Variants in PLCH2 observed in about 807,000 individuals in gnomAD.
The protein encoded by PLCH2 is 1-phosphatidylinositol 4,5-bisphosphate phosphodiesterase eta-2.
A neutral mutation model predicts 134.7 loss-of-function variants in PLCH2; 98 were observed. The ratio of observed to expected loss-of-function variants is 0.73; its 90% CI spans 0.62 to 0.86. The LOEUF is 0.86. PLCH2 is among the 40% of genes least tolerant of loss of function. PLCH2 has a pLI of 0.00. For synonymous variants in PLCH2, 974 were observed against 827.5 expected, an observed-to-expected ratio of 1.18 and a Z score of -3.04; for missense variants, 1,994 against 1,986.6, an observed-to-expected ratio of 1.00 and a Z score of -0.07.
chr1:2,499,057 A>ACACT (rs1159892865), intron 18 of PLCH2, 27 bp from the exon 19 acceptor site: 1 of 1,597,084 alleles, frequency 6.3e-7, no homozygotes, highest in African/African-American at 1.3e-5. Context: ...TCCCCATGGG[A>ACACT]CACTCCTCCT....
Position 2,502,536 on chromosome 1 carries a change from G to A in PLCH2, c.2959+127G>A, listed in dbSNP as rs145016673. 1,869 of 1,027,180 alleles carry A rather than the reference G, an allele frequency of 1.8e-3. 26 individuals carry two copies. In the African/African-American group the frequency reaches 0.022, roughly 12 times the overall value. The allele number at this position is 1,027,180 out of a possible 1,614,324, so 63.6% of individuals were successfully genotyped here. On this transcript the variant is annotated intron_variant, in intron 21 of 21. Coordinates refer to ENST00000378486, the MANE Select transcript of PLCH2 (RefSeq NM_014638.4). The stretch of plus-strand genomic sequence containing the variant: ...AAGTGTGTGGTGGGATCCTGCGCCG[G>A]CGTGAACACCGGGGGCCTGCAGAGG...
At position 2,504,111 on chromosome 1, in the gene PLCH2, A is replaced by C. The variant is rs999024752; in HGVS notation, c.3149A>C (p.Glu1050Ala). 4.6e-6 allele frequency: 7 copies of C among 1,526,034 alleles called. No homozygotes were observed. In the African/African-American group the frequency reaches 9.8e-5, roughly 21 times the overall value. 94.5% of individuals were successfully genotyped at this position (1,526,034 alleles called of 1,614,324 possible). The change falls in exon 22 of 22, where the codon GAG (glutamate) becomes GCG (alanine). Residue 1050 changes from glutamate (E) to alanine (A), a missense_variant. This residue lies in a region of PLCH2 where 900 missense variants were observed against 752.3 expected (regional missense o/e 1.20). Transcript: ENST00000378486. ...GCAAGCCCCCTAGAGGACACTGAGG[A>C]GCCCCGAGACAGCAGGCCTCGGCCG... is the stretch of plus-strand genomic sequence containing the variant. Reference protein sequence around the residue: ...NVASPLEDTEEPRDSRPRPCN... With the variant: ...NVASPLEDTEAPRDSRPRPCN...
At chr1:2,468,010 C>A (rs1349938967) in intron 1 of PLCH2, among the ~76,000 whole-genome samples, 1 of 152,218 alleles carries the variant, frequency 6.6e-6, no homozygotes, top group African/African-American at 2.4e-5. Flanking sequence ...GGGAGGCGCC[C>A]TCAGCCATGC....
upstream of PLCH2, among the ~76,000 whole-genome samples, chr1:2,466,379 T>C (rs1641057706): frequency 1.3e-5 from 2 of 152,074 alleles, no homozygotes; most frequent in South Asian, 2.1e-4. Flanking sequence ...TGAGTGGTGG[T>C]AAAGGCAGGA....
intron 2 of PLCH2, among the ~76,000 whole-genome samples, chr1:2,443,065 G>T (rs1002166756): frequency 6.6e-6 from 1 of 152,214 alleles, no homozygotes; most frequent in African/African-American, 2.4e-5. Context: ...ACTGGTGTGG[G>T]GCTAGGGACC....
Position 2,444,470 on chromosome 1 carries a change from G to A in PLCH2, c.115+13841G>A, listed in dbSNP as rs75659289. 0.01 allele frequency among the ~76,000 whole-genome samples: 1,585 copies of A among 152,320 alleles called. 28 individuals are homozygous for A. Among genetic ancestry groups the A allele is most frequent in the African/African-American group, 0.035 (1,474 of 41,572 alleles). ...GGGTGCAGCGGGCACTGCCCGGGCA[G>A]GCGGGAGCTCCGGAGGCCCTGGGGC... is the stretch of plus-strand genomic sequence containing the variant. On this transcript the variant is annotated intron_variant, in intron 2 of 3. Coordinates refer to the PLCH2 transcript ENST00000609981. The surrounding 1 kb of genome is among the most constrained non-coding windows in gnomAD (Gnocchi z 4.6).
At chr1:2,489,921 C>G (rs1038268457) in intron 10 of PLCH2, 54 bp downstream of exon 10, 1 of 1,268,012 alleles carries the variant, frequency 7.9e-7, no homozygotes, top group Admixed American at 1.7e-5. Flanking sequence ...TTCCCAAGAA[C>G]AGCTGTCCGT....
chr1:2,453,493 G>C (rs1640341586), intron 2 of PLCH2, among the ~76,000 whole-genome samples: 1 of 152,202 alleles, frequency 6.6e-6, no homozygotes, highest in East Asian at 1.9e-4. Flanking sequence ...CCGGAATGCT[G>C]ACAGTGATCT....
chr1:2,479,586 C>G (rs1641837467), intron 2 of PLCH2, 148 bp from the exon 3 acceptor site: 2 of 726,488 alleles, frequency 2.8e-6, no homozygotes, highest in African/African-American at 3.6e-5. Context: ...ACCCTTGGTT[C>G]TTGAACTCTG....
intron 4 of PLCH2, among the ~76,000 whole-genome samples, chr1:2,483,837 T>TGACCCCCGTGTCGGGG (rs1558004951): frequency 0.066 from 856 of 12,902 alleles, 320 homozygotes; most frequent in East Asian, 0.1. Flanking sequence ...CGTGTGGGGG[T>TGACCCCCGTGTCGGGG]GGCGCTGACC....
chr1:2,458,709 C>T (rs1034840999), intron 2 of PLCH2, among the ~76,000 whole-genome samples: 9 of 152,160 alleles, frequency 5.9e-5, no homozygotes, highest in African/African-American at 7.2e-5. Flanking sequence ...CCGCCCAGAC[C>T]GCGCCCATAC....
In PLCH2 at chr1:2,496,712, G is replaced by T. The variant is rs1466206360; in HGVS notation, c.1933+8G>T. 6.2e-7 allele frequency: 1 copy of T among 1,610,304 alleles called. No homozygotes were observed. Among genetic ancestry groups the T allele is most frequent in the South Asian group, 1.1e-5 (1 of 90,884 alleles). ...ACGACATAGAGATGGAGGGTGAGTG[G>T]CTCGGGGACCTGGGGCCACGGGCGG... On this transcript the variant is annotated splice_region_variant and intron_variant, in intron 14 of 21. Transcript: ENST00000378486.
intron 4 of PLCH2, among the ~76,000 whole-genome samples, chr1:2,483,228 C>T (rs1162370148): frequency 2.0e-5 from 3 of 152,282 alleles, no homozygotes; most frequent in African/African-American, 4.8e-5. Context: ...GGCTGGGTGT[C>T]GGTGTGGCCA....
chr1:2,450,544 C>T (rs1640150721), intron 2 of PLCH2, among the ~76,000 whole-genome samples: 1 of 125,696 alleles, frequency 8.0e-6, no homozygotes, highest in Non-Finnish European at 1.7e-5. Flanking sequence ...CCCGCTTGCC[C>T]CCCAATTCCC....
Position 2,444,172 on chromosome 1 carries a change from C to G in PLCH2, c.115+13543C>G, listed in dbSNP as rs1025989416. On this transcript the variant is annotated intron_variant, in intron 2 of 3. Coordinates refer to the PLCH2 transcript ENST00000609981. This position sits in a 1 kb window ranked among gnomAD's most constrained non-coding sequence, Gnocchi z 4.6. ...ACGGGCGGAGCGGTCTTGAGCTCTCCGGATGGCCTCAGGTGCGGGGTGAGG... is the reference window on the plus strand; with the variant it reads ...ACGGGCGGAGCGGTCTTGAGCTCTCGGGATGGCCTCAGGTGCGGGGTGAGG... Among the ~76,000 whole-genome samples the G allele has an allele frequency of 6.6e-6, 1 of 152,156 alleles. No homozygotes were observed. Among genetic ancestry groups the G allele is most frequent in the Non-Finnish European group, 1.5e-5 (1 of 68,014 alleles).
chr1:2,472,929 G>T (rs1641404204), upstream of PLCH2, among the ~76,000 whole-genome samples: 1 of 150,882 alleles, frequency 6.6e-6, no homozygotes, highest in African/African-American at 2.4e-5. Flanking sequence ...CGGGAGGCCT[G>T]TGGGTGTGAT....
intron 5 of PLCH2, among the ~76,000 whole-genome samples, chr1:2,485,912 C>G (rs1195829185): frequency 6.6e-6 from 1 of 152,178 alleles, no homozygotes; most frequent in Non-Finnish European, 1.5e-5. Flanking sequence ...GGGATGCCCC[C>G]ACCTGGCCGG....
At chr1:2,453,906 C>T (rs866640830) in intron 2 of PLCH2, among the ~76,000 whole-genome samples, 81 of 152,052 alleles carry the variant, frequency 5.3e-4, no homozygotes, top group South Asian at 4.2e-4. Context: ...CTGCGCCTGC[C>T]GAGTGGGGTG....
chr1:2,503,910 A>ACCCCCCCCCCCCC lies in PLCH2; in HGVS notation c.2960-10_2960-9insCCCCCCCCCCCCC. On this transcript the variant is annotated splice_polypyrimidine_tract_variant and intron_variant, in intron 21 of 21. Transcript: ENST00000378486. ...CCCTCTGGCTCTCTCTCACTCCCCC[A>ACCCCCCCCCCCCC]CCTCCCCACAGACACCCGCCCCCTC... 3.7e-6 allele frequency: 1 copy of ACCCCCCCCCCCCC among 266,696 alleles called. No homozygotes were observed. 16.5% of individuals were successfully genotyped at this position (266,696 alleles called of 1,614,324 possible).
Sources: allele counts gnomAD v4.1 joint callset (sites outside exome capture counted in the v4.1 genomes callset), GRCh38; gene constraint gnomAD v4.1.1; regional missense constraint gnomAD v4.1.1; non-coding constraint Gnocchi (gnomAD v3.1); transcripts MANE v1.5; gene names NCBI Gene and HGNC (gene_info 2026-07-23, HGNC 2026-07-21).